ATP6V1H: variants seen among roughly 807,000 people sequenced by gnomAD.
The protein encoded by ATP6V1H is V-type proton ATPase subunit H.
Under a neutral mutation model 71.7 loss-of-function variants are expected in ATP6V1H, and 39 were observed. The ratio of observed to expected loss-of-function variants is 0.54; its 90% CI spans 0.42 to 0.71. ATP6V1H has a LOEUF of 0.71. ATP6V1H is among the 30% of genes least tolerant of loss of function. The pLI is 0.00. For synonymous variants in ATP6V1H, 192 were observed against 199.3 expected, an observed-to-expected ratio of 0.96 and a Z score of 0.31; for missense variants, 509 against 594.9, an observed-to-expected ratio of 0.86 and a Z score of 1.50.
chr8:53,765,088 G>C (rs1169943140), intron 11 of ATP6V1H, among the ~76,000 whole-genome samples: 6 of 151,924 alleles, frequency 3.9e-5, no homozygotes, highest in Non-Finnish European at 5.9e-5. Flanking sequence ...CTGGGTGACA[G>C]AGCTAGATCC....
chr8:53,803,605 T>C (rs1441070061), intron 7 of ATP6V1H, among the ~76,000 whole-genome samples: 1 of 152,206 alleles, frequency 6.6e-6, no homozygotes, highest in Non-Finnish European at 1.5e-5. Flanking sequence ...AATAGTCTAA[T>C]GTATCAAGAA....
intron 8 of ATP6V1H, among the ~76,000 whole-genome samples, chr8:53,796,473 A>T (rs1391729863): frequency 6.6e-6 from 1 of 152,038 alleles, no homozygotes; most frequent in Non-Finnish European, 1.5e-5. Context: ...TGCCCTGGGG[A>T]ATACCTACAT....
chr8:53,739,403 G>A (rs533653271), intron 13 of ATP6V1H: 1 of 152,110 alleles, frequency 6.6e-6, no homozygotes, highest in East Asian at 1.9e-4. Flanking sequence ...CCATACCCTT[G>A]GCCTGGTGAG....
intron 11 of ATP6V1H, among the ~76,000 whole-genome samples, chr8:53,766,923 T>C (rs879607212): frequency 6.6e-6 from 1 of 152,198 alleles, no homozygotes; most frequent in African/African-American, 2.4e-5. Context: ...TCCACTGGCC[T>C]TGTGATATTC....
rs1199338132 is a variant in ATP6V1H at position 53,769,482 on chromosome 8, C to A, written c.1175+136G>T. 5.0e-6 allele frequency: 4 copies of A among 800,130 alleles called. No homozygotes were observed. In the African/African-American group the frequency reaches 7.1e-5, roughly 14 times the overall value. The allele number at this position is 800,130 out of a possible 1,614,324, so 49.6% of individuals were successfully genotyped here. Reference sequence around the variant, plus strand: ...AGATGGTCAAAAGGATATGAAAAGGCATTCAACCACATTAGTCAGCAAGAA... The same window carrying A: ...AGATGGTCAAAAGGATATGAAAAGGAATTCAACCACATTAGTCAGCAAGAA... On this transcript the variant is annotated intron_variant, in intron 11 of 13. Coordinates refer to ENST00000359530, the MANE Select transcript of ATP6V1H (RefSeq NM_015941.4).
chr8:53,832,673 T>G, intron 3 of ATP6V1H: 1 of 182,506 alleles, frequency 5.5e-6, no homozygotes, highest in Non-Finnish European at 1.1e-5. Context: ...ACATTTTCAA[T>G]TATATTAGGT....
chr8:53,740,677 C>T (rs72655180), intron 13 of ATP6V1H, among the ~76,000 whole-genome samples: 2,653 of 152,140 alleles, frequency 0.017, 46 homozygotes, highest in Non-Finnish European at 0.021. Flanking sequence ...TTAAAAAGCC[C>T]CTATTTTAGG....
intron 11 of ATP6V1H, among the ~76,000 whole-genome samples, chr8:53,757,824 C>T (rs1448625660): frequency 6.6e-6 from 1 of 152,224 alleles, no homozygotes; most frequent in Non-Finnish European, 1.5e-5. Context: ...TAATCACCAC[C>T]TGCCATTGTA....
intron 13 of ATP6V1H, among the ~76,000 whole-genome samples, chr8:53,721,322 A>G (rs1451300039): frequency 6.6e-6 from 1 of 152,222 alleles, no homozygotes; most frequent in Non-Finnish European, 1.5e-5. Context: ...AACCATATAA[A>G]AACCACAGTG....
At chr8:53,775,024 C>A (rs1305589924) in intron 9 of ATP6V1H, among the ~76,000 whole-genome samples, 1 of 152,166 alleles carries the variant, frequency 6.6e-6, no homozygotes, top group African/African-American at 2.4e-5. Flanking sequence ...GCCGCGGACC[C>A]TCGCGGTGTT....
At chr8:53,822,591 C>T (rs748469347) in intron 4 of ATP6V1H, among the ~76,000 whole-genome samples, 36 of 151,934 alleles carry the variant, frequency 2.4e-4, no homozygotes, top group Non-Finnish European at 4.4e-4. Context: ...AAACAAAACA[C>T]ATAATGAAGA....
intron 8 of ATP6V1H, among the ~76,000 whole-genome samples, chr8:53,800,183 G>A (rs186713454): frequency 6.6e-6 from 1 of 152,304 alleles, no homozygotes; most frequent in East Asian, 1.9e-4. Flanking sequence ...GAGGAAGAGA[G>A]CATAAGGGAG....
intron 12 of ATP6V1H, among the ~76,000 whole-genome samples, chr8:53,745,529 C>G (rs1464298120): frequency 6.6e-6 from 1 of 152,216 alleles, no homozygotes; most frequent in East Asian, 1.9e-4. Context: ...GTTCTCTAGA[C>G]TGCCTCTGAG....
chr8:53,795,534 T>C (rs987697663), intron 9 of ATP6V1H, 113 bp downstream of exon 9: 1 of 940,006 alleles, frequency 1.1e-6, no homozygotes, highest in Non-Finnish European at 1.7e-6. Context: ...CAAGACTCTA[T>C]GGTTTCATAA....
intron 11 of ATP6V1H, among the ~76,000 whole-genome samples, chr8:53,757,317 CCCT>C (rs1440376400): frequency 2.0e-5 from 3 of 152,150 alleles, no homozygotes; most frequent in Non-Finnish European, 4.4e-5. Context: ...GCTTCTGCTA[CCCT>C]CCTCAAGGAC....
intron 13 of ATP6V1H, among the ~76,000 whole-genome samples, chr8:53,722,172 A>G (rs1423221989): frequency 6.6e-6 from 1 of 152,216 alleles, no homozygotes; most frequent in Non-Finnish European, 1.5e-5. Flanking sequence ...GCTATGCTCA[A>G]GAGTTGTCCT....
chr8:53,836,691 G>A (rs1811168869), intron 2 of ATP6V1H, among the ~76,000 whole-genome samples: 1 of 152,162 alleles, frequency 6.6e-6, no homozygotes, highest in Admixed American at 6.5e-5. Context: ...AAGTACATAT[G>A]GGGTCATATT....
At chr8:53,807,398 G>A (rs1585809549) in intron 7 of ATP6V1H, among the ~76,000 whole-genome samples, 4 of 151,664 alleles carry the variant, frequency 2.6e-5, no homozygotes, top group Admixed American at 6.6e-5. Context: ...TCAGGCGTTC[G>A]AGACCAGCCT....
In ATP6V1H at chr8:53,784,599, C is replaced by T. The variant is rs531843624; in HGVS notation, c.870+11048G>A. Among the ~76,000 whole-genome samples, 312 of 152,150 alleles carry T rather than the reference C, an allele frequency of 2.1e-3. 1 individual carries two copies. The highest frequency in any genetic ancestry group is 7.3e-3 in the African/African-American group (301 of 41,468). ...GTCATTATGATGTTAGCTGGTTATTCTGCTCGTTAGTTGATGCAGTTTCTT... is the reference window on the plus strand; with the variant it reads ...GTCATTATGATGTTAGCTGGTTATTTTGCTCGTTAGTTGATGCAGTTTCTT... On this transcript the variant is annotated intron_variant, in intron 9 of 13. Transcript: ENST00000359530.
Sources: allele counts gnomAD v4.1 joint callset (sites outside exome capture counted in the v4.1 genomes callset), GRCh38; gene constraint gnomAD v4.1.1; transcripts MANE v1.5; gene names NCBI Gene and HGNC (gene_info 2026-07-23, HGNC 2026-07-21).